Variants in RASAL2 observed in about 807,000 individuals in gnomAD.
RASAL2 encodes the protein RAS protein activator like 2, also known as ras GTPase-activating protein nGAP.
A neutral mutation model predicts 128.9 loss-of-function variants in RASAL2; 58 were observed. The observed-to-expected ratio is 0.45, with a 90% CI of 0.36 to 0.56. The LOEUF is 0.56. Ranked by LOEUF, RASAL2 falls within the 20% of genes least tolerant of loss-of-function variation. The pLI is 0.00. For missense variants in RASAL2, 1,360 were observed against 1,601.6 expected (o/e 0.85, Z 2.57); for synonymous variants, 561 against 580.8 (o/e 0.97, Z 0.49).
intron 1 of RASAL2, among the ~76,000 whole-genome samples, chr1:178,255,120 GAATGATATA>G (rs1303465743): frequency 6.6e-6 from 1 of 151,932 alleles, no homozygotes; most frequent in Admixed American, 6.6e-5. Context: ...AGCAAAATCA[GAATGATATA>G]AAGATATTTC....
rs183855962 is a variant in RASAL2 at position 178,199,094 on chromosome 1, G to A, written c.203-84470G>A. 3.0e-4 allele frequency among the ~76,000 whole-genome samples: 46 copies of A among 152,330 alleles called. No homozygotes were observed. The East Asian group carries it at 4.1e-3, about 13-fold the overall frequency. On this transcript the variant is annotated intron_variant, in intron 1 of 17. Coordinates refer to ENST00000367649, the MANE Select transcript of RASAL2 (RefSeq NM_170692.4). Reference sequence around the variant, plus strand: ...TAGCAGTGAACAAGGCTTCGTGGGCGTGGGACCCGCTGAGCCAGGCATGGG... The same window carrying A: ...TAGCAGTGAACAAGGCTTCGTGGGCATGGGACCCGCTGAGCCAGGCATGGG...
chr1:178,408,612 G>GTTTTTTTTTTTTTTTTTTTTTTTT (rs756656921), intron 4 of RASAL2, among the ~76,000 whole-genome samples: 1 of 142,482 alleles, frequency 7.0e-6, no homozygotes, highest in African/African-American at 2.9e-5. Context: ...GTTTTTTTTT[G>GTTTTTTTTTTTTTTTTTTTTTTTT]TTTTTTGTTT....
chr1:178,234,090 G>T (rs1664130319), intron 1 of RASAL2, among the ~76,000 whole-genome samples: 1 of 152,142 alleles, frequency 6.6e-6, no homozygotes, highest in Non-Finnish European at 1.5e-5. Context: ...AATGGATTTG[G>T]TTAATTAAGG....
chr1:178,283,967 G>T (rs1198511637), intron 2 of RASAL2, among the ~76,000 whole-genome samples: 1 of 152,166 alleles, frequency 6.6e-6, no homozygotes, highest in Non-Finnish European at 1.5e-5. Context: ...GATTATATAG[G>T]CCTGGCCCTG....
chr1:178,351,748 A>AC, intron 3 of RASAL2, among the ~76,000 whole-genome samples: 1 of 151,888 alleles, frequency 6.6e-6, no homozygotes, highest in African/African-American at 2.4e-5. Flanking sequence ...AAAAAAAAAA[A>AC]AGTGTAGGCA....
intron 1 of RASAL2, among the ~76,000 whole-genome samples, chr1:178,162,227 A>C (rs1321148331): frequency 6.9e-6 from 1 of 145,240 alleles, no homozygotes; most frequent in African/African-American, 2.6e-5. Flanking sequence ...GGCCTCCCAG[A>C]GTGCTGGGAT....
chr1:178,325,077 A>G (rs1038759893), intron 3 of RASAL2, among the ~76,000 whole-genome samples: 1 of 152,188 alleles, frequency 6.6e-6, no homozygotes, highest in Non-Finnish European at 1.5e-5. Context: ...GCATGTTAAC[A>G]TGTTTCCTCA....
At chr1:178,144,533 A>G (rs944229195) in intron 1 of RASAL2, among the ~76,000 whole-genome samples, 1 of 152,184 alleles carries the variant, frequency 6.6e-6, no homozygotes, top group Non-Finnish European at 1.5e-5. Flanking sequence ...CTTGACACGT[A>G]GTTGGTAATC....
At position 178,420,560 on chromosome 1, in the gene RASAL2, A is replaced by C; in HGVS notation, c.614A>C (p.Gln205Pro). The change falls in exon 5 of 18, where the codon CAG (glutamine) becomes CCG (proline). Residue 205 changes from glutamine to proline, a missense_variant. By Grantham distance (76) the Gln-to-Pro change is moderately conservative (BLOSUM62 -1). Coordinates refer to ENST00000367649, the MANE Select transcript of RASAL2 (RefSeq NM_170692.4). ...GGCTCCATCAAGAGGACCAAAAGCCAGTCAAAGCTTGACAGAAACACGAGC... is the reference window on the plus strand; with the variant it reads ...GGCTCCATCAAGAGGACCAAAAGCCCGTCAAAGCTTGACAGAAACACGAGC... ...LKGSIKRTKS[Q>P]SKLDRNTSFR... is the part of the protein sequence containing the mutation. 1 of 1,613,432 alleles carries C rather than the reference A, an allele frequency of 6.2e-7. No individual in the cohort carries two copies. The highest frequency in any genetic ancestry group is 1.1e-5 in the South Asian group (1 of 91,012).
At chr1:178,456,584 G>A (rs1558004915) in intron 12 of RASAL2, 137 bp from the exon 13 acceptor site, 2 of 877,096 alleles carry the variant, frequency 2.3e-6, no homozygotes, top group East Asian at 2.4e-5. Context: ...TTATGAACCT[G>A]CCACTCCCAT....
At chr1:178,468,666 T>TA (rs1402520772) in intron 17 of RASAL2, among the ~76,000 whole-genome samples, 1 of 152,192 alleles carries the variant, frequency 6.6e-6, no homozygotes, top group Non-Finnish European at 1.5e-5. Context: ...TCTGGATACT[T>TA]AGACATGCGG....
intron 1 of RASAL2, among the ~76,000 whole-genome samples, chr1:178,269,874 T>C (rs1273734596): frequency 6.6e-6 from 1 of 152,206 alleles, no homozygotes; most frequent in Non-Finnish European, 1.5e-5. Flanking sequence ...AATTCTTTAT[T>C]GCGTGAGATC....
intron 1 of RASAL2, among the ~76,000 whole-genome samples, chr1:178,279,901 T>C (rs1666705392): frequency 6.6e-6 from 1 of 152,162 alleles, no homozygotes; most frequent in Non-Finnish European, 1.5e-5. Flanking sequence ...TTTGATATTA[T>C]ATAATGAAAG....
chr1:178,240,183 T>G (rs1664437096), intron 1 of RASAL2, among the ~76,000 whole-genome samples: 2 of 152,066 alleles, frequency 1.3e-5, no homozygotes, highest in South Asian at 4.1e-4. Context: ...CTAGTGGAAA[T>G]TATGGAGTTG....
chr1:178,179,019 G>A (rs976348550), intron 1 of RASAL2, among the ~76,000 whole-genome samples: 1 of 152,086 alleles, frequency 6.6e-6, no homozygotes, highest in Non-Finnish European at 1.5e-5. Flanking sequence ...AATTTTGCTA[G>A]GTGTTTTACT....
At chr1:178,429,487 G>A (rs1675745560) in intron 5 of RASAL2, among the ~76,000 whole-genome samples, 1 of 152,114 alleles carries the variant, frequency 6.6e-6, no homozygotes, top group African/African-American at 2.4e-5. Context: ...ATAACTGAGA[G>A]GATCAAGGTA....
intron 4 of RASAL2, among the ~76,000 whole-genome samples, chr1:178,410,847 C>G (rs1674321191): frequency 1.3e-5 from 2 of 151,914 alleles, no homozygotes; most frequent in African/African-American, 2.4e-5. Context: ...GCAAGAATGG[C>G]CATAATTAAA....
chr1:178,323,301 G>A (rs1248641025), intron 3 of RASAL2, among the ~76,000 whole-genome samples: 1 of 152,148 alleles, frequency 6.6e-6, no homozygotes, highest in Non-Finnish European at 1.5e-5. Context: ...CTGAGTGAGT[G>A]ACTGATTGTT....
At chr1:178,467,287 A>G (rs1299640085) in intron 16 of RASAL2, 47 bp from the exon 17 acceptor site, 1 of 1,470,300 alleles carries the variant, frequency 6.8e-7, no homozygotes, top group South Asian at 1.1e-5. Context: ...TACACTAGCT[A>G]GCCCTTTCTT....
Sources: gnomAD v4.1 joint callset for allele counts (sites outside exome capture counted in the v4.1 genomes callset) on GRCh38, gnomAD v4.1.1 for gene constraint, MANE v1.5 for transcripts, NCBI Gene and HGNC (gene_info 2026-07-23, HGNC 2026-07-21) for gene names.